Variants in IDS observed in about 807,000 individuals in gnomAD.
IDS encodes iduronate 2-sulfatase, also known as alpha-L-iduronate sulfate sulfatase.
In IDS, 1 loss-of-function variant was observed where a neutral mutation model predicts 33.5. The ratio of observed to expected loss-of-function variants is 0.03; its 90% CI spans 0.01 to 0.14. IDS has a LOEUF of 0.14. Among genes scored for constraint, IDS ranks in the 10% least tolerant of loss-of-function variants. The pLI is 1.00. For missense variants in IDS, 328 were observed against 448.0 expected, an observed-to-expected ratio of 0.73 and a Z score of 2.42; for synonymous variants, 191 against 184.4, an observed-to-expected ratio of 1.04 and a Z score of -0.29.
Position 149,496,332 on chromosome X carries a change from T to C in IDS, c.879+14A>G. 8.3e-7 allele frequency: 1 copy of C among 1,205,917 alleles called. No homozygotes were observed. Among genetic ancestry groups the C allele is most frequent in the Non-Finnish European group, 1.1e-6 (1 of 890,476 alleles). ...ATCAGTGTCCAATACATCCCCAAAC[T>C]ATGTCCTTGATACCTGAAAGTCCAC... is the stretch of plus-strand genomic sequence containing the variant. On this transcript the variant is annotated intron_variant, in intron 6 of 8. Transcript: ENST00000340855.
At chrX:149,502,907 C>A in intron 3 of IDS, 1 of 354,349 alleles carries the variant, frequency 2.8e-6, no homozygotes, top group Non-Finnish European at 4.9e-6. Context: ...AATAAGTCAG[C>A]AACAGCAATG....
In IDS at chrX:149,484,548, C is replaced by T. The variant is rs782118997; in HGVS notation, c.1181-1330G>A. 4.6e-3 allele frequency among the ~76,000 whole-genome samples: 523 copies of T among 112,696 alleles called. 1 individual carries two copies. Among genetic ancestry groups the T allele is most frequent in the Non-Finnish European group, 6.4e-3 (339 of 53,284 alleles). On this transcript the variant is annotated intron_variant, in intron 8 of 8. Transcript: ENST00000340855. ...TGTTGGCCAGGATGGTCTTGATCTC[C>T]TGACCTCGTGATCCGCCCACCTTGG...
At position 149,479,900 on chromosome X, in the gene IDS, C is replaced by T. The variant is rs1276351246; in HGVS notation, c.*2846G>A. The T allele has an allele frequency of 1.1e-5, 2 of 185,480 alleles. No homozygotes were observed. Among genetic ancestry groups the T allele is most frequent in the African/African-American group, 3.0e-5 (1 of 33,854 alleles). The allele number at this position is 185,480 out of a possible 1,213,427, so 15.3% of individuals were successfully genotyped here. The stretch of plus-strand genomic sequence containing the variant: ...AAAAAAATACCTTTTTAAAGTAAAG[C>T]GAACACAAGATTCTTTAGCAATGTT... On this transcript the variant is annotated 3_prime_UTR_variant, in exon 9 of 9. Coordinates refer to ENST00000340855, the MANE Select transcript of IDS (RefSeq NM_000202.8).
rs903259179 is a variant in IDS, at chrX:149,490,386, C to T, written c.934G>A (p.Gly312Ser). The T allele has an allele frequency of 9.9e-6, 12 of 1,209,738 alleles. No individual in the cohort carries two copies. The highest frequency in any genetic ancestry group is 3.5e-5 in the South Asian group (2 of 56,946). Residue 312 changes from glycine to serine, a missense_variant, in exon 7 of 9, where the codon GGC becomes AGC. By Grantham distance (56) the Gly-to-Ser change is moderately conservative. Transcript: ENST00000340855. ...ASVSYLDTQV[G>S]RLLSALDDLQ... ...TCGTCCAAAGCACTCAAGAGGCGGC[C>T]GACCTGTGTATCCAAATATGACACA...
intron 5 of IDS, among the ~76,000 whole-genome samples, chrX:149,497,107 C>A (rs961404760): frequency 9.0e-6 from 1 of 111,528 alleles, no homozygotes; most frequent in African/African-American, 3.3e-5. Flanking sequence ...GCCTCATTAT[C>A]CAGTTTTTAT....
In IDS at chrX:149,505,113, C is replaced by T. The variant is rs1557340605; in HGVS notation, c.25G>A (p.Gly9Ser). 8.3e-7 allele frequency: 1 copy of T among 1,199,909 alleles called. No individual in the cohort carries two copies. The highest frequency in any genetic ancestry group is 1.1e-6 in the Non-Finnish European group (1 of 886,405). Reference sequence around the variant, plus strand: ...AGAACCAGACCCAGCCAGAGAAGGCCTCGGCCGGTCCGGGGTGGCGGCATT... The same window carrying T: ...AGAACCAGACCCAGCCAGAGAAGGCTTCGGCCGGTCCGGGGTGGCGGCATT... MPPPRTGR[G>S]LLWLGLVLSS... Residue 9 changes from glycine (G) to serine (S), a missense_variant, in exon 1 of 9, where the codon GGC (glycine) becomes AGC (serine). Physicochemically the swap from Gly to Ser is moderately conservative, Grantham distance 56. This residue lies in a region of IDS where 45 missense variants were observed against 33.6 expected (regional missense o/e 1.34). Transcript: ENST00000340855.
At chrX:149,496,267 T>C (rs1344025558) in intron 6 of IDS, 79 bp downstream of exon 6, 5 of 925,415 alleles carry the variant, frequency 5.4e-6, no homozygotes, top group Middle Eastern at 3.7e-4. Flanking sequence ...GGTGGAGTTG[T>C]GTCTACTGAG....
rs1352135978 is a variant in IDS, at chrX:149,480,053, A to G, written c.*2693T>C. 9 of 285,771 alleles carry G rather than the reference A, an allele frequency of 3.1e-5. No homozygotes were observed. Among genetic ancestry groups the G allele is most frequent in the Non-Finnish European group, 4.3e-5 (7 of 164,317 alleles). The allele number at this position is 285,771 out of a possible 1,213,427, so 23.6% of individuals were successfully genotyped here. On this transcript the variant is annotated 3_prime_UTR_variant, in exon 9 of 9. Coordinates refer to ENST00000340855, the MANE Select transcript of IDS (RefSeq NM_000202.8). ...GAGAGGGATGGGACAACCTAGTAGGAGGGAGGTAGGGATAGGCAAGGGAAA... is the reference window on the plus strand; with the variant it reads ...GAGAGGGATGGGACAACCTAGTAGGGGGGAGGTAGGGATAGGCAAGGGAAA...
At chrX:149,496,179 T>C (rs2089434687) in intron 6 of IDS, among the ~76,000 whole-genome samples, 167 bp downstream of exon 6, 1 of 112,102 alleles carries the variant, frequency 8.9e-6, no homozygotes, top group Non-Finnish European at 1.9e-5. Flanking sequence ...GCCTGTGTCC[T>C]AAATACCTAT....
chrX:149,502,814 G>T, intron 3 of IDS: 1 of 207,406 alleles, frequency 4.8e-6, no homozygotes. Flanking sequence ...TATAGATCCT[G>T]GGTACCAGAT....
intron 4 of IDS, among the ~76,000 whole-genome samples, chrX:149,500,597 G>C (rs1187308703): frequency 8.9e-6 from 1 of 111,799 alleles, no homozygotes; most frequent in Non-Finnish European, 1.9e-5. Flanking sequence ...CTCCCATTCT[G>C]GGCTGAGGCT....
chrX:149,503,272 A>G (rs782589557), intron 3 of IDS, 40 bp downstream of exon 3: 2 of 1,199,267 alleles, frequency 1.7e-6, no homozygotes, highest in Non-Finnish European at 2.3e-6. Flanking sequence ...TTCAGACACC[A>G]CAAACCAAGA....
Position 149,481,138 on chromosome X carries a change from T to C in IDS, c.*1608A>G, listed in dbSNP as rs1427288317. 1.8e-5 allele frequency: 2 copies of C among 112,126 alleles called. No individual in the cohort carries two copies. Among genetic ancestry groups the C allele is most frequent in the African/African-American group, 6.5e-5 (2 of 30,835 alleles). The allele number at this position is 112,126 out of a possible 1,213,427, so 9.2% of individuals were successfully genotyped here. A position where few individuals can be genotyped will look rare whatever the true frequency, so the allele number is the denominator to read the frequency against. Reference sequence around the variant, plus strand: ...TGTATTGTAAAAGCCACAGTGAACATGATGACAGCAACAACGAGGATGAAG... The same window carrying C: ...TGTATTGTAAAAGCCACAGTGAACACGATGACAGCAACAACGAGGATGAAG... On this transcript the variant is annotated 3_prime_UTR_variant, in exon 9 of 9. Transcript: ENST00000340855.
Position 149,483,172 on chromosome X carries a change from C to T in IDS, c.1227G>A (p.Thr409=), listed in dbSNP as rs201905166. The T allele has an allele frequency of 9.2e-5, 111 of 1,209,089 alleles. No individual in the cohort carries two copies. The highest frequency in any genetic ancestry group is 1.2e-4 in the African/African-American group (7 of 56,968). ...DLVELVSLFP[T]LAGLAGLQVP... ...CCTGCAGTCCTGCAAGTCCAGCCAG[C>T]GTGGGAAAAAGAGACACAAGTTCCA... Residue 409 remains threonine, a synonymous_variant, in exon 9 of 9, where the codon ACG becomes ACA. Coordinates refer to ENST00000340855, the MANE Select transcript of IDS (RefSeq NM_000202.8).
Position 149,496,535 on chromosome X carries a change from G to A in IDS, c.709-19C>T, listed in dbSNP as rs1405519159. ...GAAATTCCTTGGGGAAAAACACAAA[G>A]CCACAAAGTTGTCACTCTTTTAGCA... On this transcript the variant is annotated intron_variant, in intron 5 of 8. Transcript: ENST00000340855. 1 of 1,205,553 alleles carries A rather than the reference G, an allele frequency of 8.3e-7. No homozygotes were observed. The highest frequency in any genetic ancestry group is 1.7e-5 in the African/African-American group (1 of 57,147).
intron 8 of IDS, among the ~76,000 whole-genome samples, chrX:149,484,415 A>T (rs1300240321): frequency 8.9e-6 from 1 of 112,370 alleles, no homozygotes; most frequent in Non-Finnish European, 1.9e-5. Context: ...TCCGTCTCCC[A>T]GGTTCAAGTG....
At position 149,503,197 on chromosome X, in the gene IDS, G is replaced by A. The variant is rs781996090; in HGVS notation, c.418+115C>T. The stretch of plus-strand genomic sequence containing the variant: ...TTAGAAAGGAAGCACTGACTAGCGA[G>A]GGACTCGCCCAGCCAGAAGAGGGCT... On this transcript the variant is annotated intron_variant, in intron 3 of 8. Coordinates refer to ENST00000340855, the MANE Select transcript of IDS (RefSeq NM_000202.8). 3.9e-4 allele frequency: 458 copies of A among 1,169,109 alleles called. No individual in the cohort carries two copies. In the African/African-American group the frequency reaches 6.1e-3, roughly 15 times the overall value.
rs782525310 is a variant in IDS at position 149,488,564 on chromosome X, C to G, written c.1007-1466G>C. On this transcript the variant is annotated intron_variant, in intron 7 of 8. Coordinates refer to ENST00000340855, the MANE Select transcript of IDS (RefSeq NM_000202.8). ...TGGCATTCTGAATACTGGCACGCAGCCTTCGGCCTCTGCCAGCTTTTGTGA... is the reference window on the plus strand; with the variant it reads ...TGGCATTCTGAATACTGGCACGCAGGCTTCGGCCTCTGCCAGCTTTTGTGA... Among the ~76,000 whole-genome samples, 297 of 107,685 alleles carry G rather than the reference C, an allele frequency of 2.8e-3. 1 individual carries two copies. Among genetic ancestry groups the G allele is most frequent in the African/African-American group, 9.5e-3 (279 of 29,437 alleles). 93.5% of individuals were successfully genotyped at this position (107,685 alleles called of 115,157 possible).
intron 7 of IDS, among the ~76,000 whole-genome samples, chrX:149,489,746 C>T (rs1230258796): frequency 2.7e-5 from 3 of 110,998 alleles, no homozygotes; most frequent in African/African-American, 6.6e-5. Flanking sequence ...GAGTGGGAAA[C>T]GGGGGGAGCT....
Sources: gnomAD v4.1 joint callset for allele counts (sites outside exome capture counted in the v4.1 genomes callset) on GRCh38, gnomAD v4.1.1 for gene constraint, gnomAD v4.1.1 regional missense constraint, MANE v1.5 for transcripts, NCBI Gene and HGNC (gene_info 2026-07-23, HGNC 2026-07-21) for gene names.